ANKAR: variants seen among roughly 807,000 people sequenced by gnomAD.
ANKAR encodes the protein ankyrin and armadillo repeat containing, also known as ankyrin and armadillo repeat-containing protein.
A neutral mutation model predicts 146.2 loss-of-function variants in ANKAR; 136 were observed. The ratio of observed to expected loss-of-function variants is 0.93; its 90% CI spans 0.81 to 1.07. The LOEUF (loss-of-function observed/expected upper bound fraction) is 1.07, where lower values mean the gene tolerates loss of function less well. Among genes scored for constraint, ANKAR ranks in the 50% least tolerant of loss-of-function variants. The pLI is 0.00. For synonymous variants in ANKAR, 500 were observed against 575.8 expected (o/e 0.87, Z 1.88); for missense variants, 1,567 against 1,679.9 (o/e 0.93, Z 1.18).
chr2:189,747,808 C>T (rs1021857705), downstream of ANKAR, among the ~76,000 whole-genome samples: 6 of 152,192 alleles, frequency 3.9e-5, no homozygotes, highest in Non-Finnish European at 5.9e-5. Flanking sequence ...GCCTCAGCCT[C>T]TTGAGTAGCT....
intron 16 of ANKAR, among the ~76,000 whole-genome samples, chr2:189,730,855 A>T (rs2042337344): frequency 6.6e-6 from 1 of 152,226 alleles, no homozygotes; most frequent in Non-Finnish European, 1.5e-5. Flanking sequence ...TATGACAAGA[A>T]AATCTTATGT....
At chr2:189,735,820 T>C (rs1329798117) in intron 17 of ANKAR, among the ~76,000 whole-genome samples, 1 of 152,254 alleles carries the variant, frequency 6.6e-6, no homozygotes, top group Non-Finnish European at 1.5e-5. Flanking sequence ...TTGCATTAAT[T>C]TAGTTACTGT....
In ANKAR at chr2:189,705,131, C is replaced by G; in HGVS notation, c.1817C>G (p.Pro606Arg). 1 of 1,614,042 alleles carries G rather than the reference C, an allele frequency of 6.2e-7. No homozygotes were observed. Residue 606 changes from proline (P) to arginine (R), a missense_variant, in exon 8 of 23, where the codon CCG (proline) becomes CGG (arginine). Pro to Arg is a moderately radical substitution (Grantham distance 103, BLOSUM62 -2). Transcript: ENST00000684021. Reference protein sequence around the residue: ...YTLSEKRGWMPIHFAAFYDNV... With the variant: ...YTLSEKRGWMRIHFAAFYDNV... ...CTTTCTGAAAAAAGAGGCTGGATGC[C>G]GATTCACTTTGCCGCTTTCTATGAC...
At chr2:189,678,732 CAT>C (rs2034165719) in intron 2 of ANKAR, among the ~76,000 whole-genome samples, 1 of 152,134 alleles carries the variant, frequency 6.6e-6, no homozygotes, top group East Asian at 1.9e-4. Context: ...ATCAGTTGCC[CAT>C]AAGTACTTGG....
intron 10 of ANKAR, among the ~76,000 whole-genome samples, chr2:189,716,296 TAGAC>T (rs1205811544): frequency 1.1e-4 from 17 of 152,076 alleles, no homozygotes; most frequent in Admixed American, 1.0e-3. Context: ...ACACCAATAA[TAGAC>T]AAACAGAGAG....
chr2:189,761,361 A>G, downstream of ANKAR: 2 of 1,537,632 alleles, frequency 1.3e-6, no homozygotes, highest in Non-Finnish European at 1.7e-6. Flanking sequence ...TGACAAATAC[A>G]AAAGAATGAT....
rs1171855142 is a variant in ANKAR, at chr2:189,743,347, GAA to G, written c.3884_3885del (p.Glu1295ValfsTer4). The G allele has an allele frequency of 6.2e-7, 1 of 1,614,036 alleles. No individual in the cohort carries two copies. Among genetic ancestry groups the G allele is most frequent in the South Asian group, 1.1e-5 (1 of 91,064 alleles). On this transcript the variant is annotated frameshift_variant, in exon 21 of 23. Transcript: ENST00000684021. LOFTEE classifies it high-confidence loss of function. Reference sequence around the variant, plus strand: ...AAATGCTTTCCGCATCCTATTAAAAGAATGCAGGAATAAACCTAATCAGTTCA... The same window carrying G: ...AAATGCTTTCCGCATCCTATTAAAAGTGCAGGAATAAACCTAATCAGTTCA... ...NANAFRILLK[E>X]CRNKPNQFIR...
downstream of ANKAR, chr2:189,762,407 G>A (rs1028755348): frequency 6.3e-5 from 12 of 190,336 alleles, no homozygotes; most frequent in African/African-American, 2.6e-4. Context: ...GCATCCCAGG[G>A]ATTAGAGATG....
intron 10 of ANKAR, among the ~76,000 whole-genome samples, chr2:189,716,863 G>T (rs1359845662): frequency 6.6e-6 from 1 of 151,898 alleles, no homozygotes; most frequent in Non-Finnish European, 1.5e-5. Context: ...TTAATAAATG[G>T]TGCTGGGAAA....
At chr2:189,711,832 T>A (rs563346528) in intron 10 of ANKAR, among the ~76,000 whole-genome samples, 1 of 152,366 alleles carries the variant, frequency 6.6e-6, no homozygotes, top group African/African-American at 2.4e-5. Context: ...GGGATTTCCC[T>A]TTCCTTGCCA....
chr2:189,713,202 A>G (rs896232540), intron 10 of ANKAR, among the ~76,000 whole-genome samples: 6 of 152,224 alleles, frequency 3.9e-5, no homozygotes, highest in African/African-American at 1.4e-4. Context: ...TCTTCAGGAT[A>G]TTATCCAGGA....
At position 189,742,851 on chromosome 2, in the gene ANKAR, CATTAGAATTACCTG is replaced by C. The variant is rs143732291; in HGVS notation, c.3811-422_3811-409del. On this transcript the variant is annotated intron_variant, in intron 20 of 22. Coordinates refer to ENST00000684021, the MANE Select transcript of ANKAR (RefSeq NM_001378068.1). ...ATTACCTGACACACACACACACACA[CATTAGAATTACCTG>C]ACACACACACACACACACACACACA... 9.1e-3 allele frequency among the ~76,000 whole-genome samples: 288 copies of C among 31,550 alleles called. 2 individuals carry two copies. Among genetic ancestry groups the C allele is most frequent in the South Asian group, 0.034 (13 of 388 alleles). The allele number at this position is 31,550 out of a possible 152,430, so 20.7% of individuals were successfully genotyped here.
intron 11 of ANKAR, 24 bp from the exon 12 acceptor site, chr2:189,720,595 G>T: frequency 7.7e-7 from 1 of 1,305,290 alleles, no homozygotes. Flanking sequence ...AAATTCAAAT[G>T]TAATTTTTTT....
At chr2:189,746,299 A>C (rs1252935099) in intron 22 of ANKAR, 81 bp from the exon 23 acceptor site, 5 of 1,433,294 alleles carry the variant, frequency 3.5e-6, no homozygotes, top group Non-Finnish European at 4.7e-6. Flanking sequence ...ATGTAAAGAA[A>C]ATAGAACTAC....
chr2:189,718,493 A>G (rs988499093), intron 10 of ANKAR, among the ~76,000 whole-genome samples: 5 of 152,198 alleles, frequency 3.3e-5, no homozygotes, highest in African/African-American at 1.2e-4. Context: ...AAATGAATAA[A>G]TTAAAATTTG....
chr2:189,711,626 C>T (rs980793686), intron 10 of ANKAR, among the ~76,000 whole-genome samples: 6 of 152,150 alleles, frequency 3.9e-5, no homozygotes, highest in South Asian at 2.1e-4. Context: ...TACTGGGGTC[C>T]GTTCCAAGAT....
intron 17 of ANKAR, among the ~76,000 whole-genome samples, chr2:189,735,822 A>G (rs2042791152): frequency 6.6e-6 from 1 of 152,224 alleles, no homozygotes; most frequent in Admixed American, 6.5e-5. Flanking sequence ...GCATTAATTT[A>G]GTTACTGTTA....
intron 8 of ANKAR, among the ~76,000 whole-genome samples, chr2:189,705,480 T>C (rs1180457585): frequency 6.6e-6 from 1 of 152,224 alleles, no homozygotes; most frequent in Non-Finnish European, 1.5e-5. Flanking sequence ...AACCTATGCA[T>C]GTTTTCTGGA....
rs1482109520 is a variant in ANKAR at position 189,711,036 on chromosome 2, G to T, written c.2120-13G>T. 4 of 1,599,542 alleles carry T rather than the reference G, an allele frequency of 2.5e-6. No homozygotes were observed. In the Admixed American group the frequency reaches 5.1e-5, roughly 20 times the overall value. On this transcript the variant is annotated splice_polypyrimidine_tract_variant and intron_variant, in intron 9 of 22. Coordinates refer to ENST00000684021, the MANE Select transcript of ANKAR (RefSeq NM_001378068.1). ...CAAATTACAGCTGTGTTTTTCTGTT[G>T]AACACTTAACAGAAATGTTACAGTG... is the stretch of plus-strand genomic sequence containing the variant.
Sources: gnomAD v4.1 joint callset for allele counts (sites outside exome capture counted in the v4.1 genomes callset) on GRCh38, gnomAD v4.1.1 for gene constraint, MANE v1.5 for transcripts, NCBI Gene and HGNC (gene_info 2026-07-23, HGNC 2026-07-21) for gene names.